The following STPG2 variants were observed in gnomAD, a reference collection of about 807,000 sequenced individuals.
STPG2 encodes sperm-tail PG-rich repeat-containing protein 2.
A neutral mutation model predicts 54.2 loss-of-function variants in STPG2; 56 were observed. The observed-to-expected ratio is 1.03, with a 90% CI of 0.83 to 1.29. The LOEUF (loss-of-function observed/expected upper bound fraction) is 1.29, where lower values mean the gene tolerates loss of function less well. Among genes scored for constraint, STPG2 ranks in the 50% most tolerant of loss-of-function variants. STPG2 has a pLI of 0.00. For missense variants in STPG2, 596 were observed against 544.9 expected, an observed-to-expected ratio of 1.09 and a Z score of -0.93; for synonymous variants, 200 against 181.8, an observed-to-expected ratio of 1.10 and a Z score of -0.81.
At chr4:97,784,032 C>T (rs566855178) in intron 9 of STPG2, among the ~76,000 whole-genome samples, 53 of 146,868 alleles carry the variant, frequency 3.6e-4, no homozygotes, top group African/African-American at 1.3e-3. Context: ...CAAACCTGCA[C>T]GTTGTACACA....
intron 8 of STPG2, among the ~76,000 whole-genome samples, chr4:97,867,034 G>C (rs1729812516): frequency 6.6e-6 from 1 of 151,942 alleles, no homozygotes; most frequent in East Asian, 1.9e-4. Context: ...GCAGCAAGCA[G>C]TTCCCATGCT....
intron 10 of STPG2, among the ~76,000 whole-genome samples, chr4:97,629,642 T>C (rs1419482507): frequency 6.6e-6 from 1 of 152,030 alleles, no homozygotes; most frequent in Admixed American, 6.6e-5. Flanking sequence ...TCAATAATTA[T>C]TGGTTGAATG....
At chr4:97,540,002 T>G (rs1014093232) in intron 4 of STPG2, among the ~76,000 whole-genome samples, 2 of 152,192 alleles carry the variant, frequency 1.3e-5, no homozygotes, top group African/African-American at 4.8e-5. Context: ...TTTATGGCAC[T>G]AAATGCCCAC....
rs893438176 is a variant in STPG2, at chr4:97,868,592, G to A, written c.1045-27660C>T. On this transcript the variant is annotated intron_variant, in intron 8 of 10. Coordinates refer to ENST00000295268, the MANE Select transcript of STPG2 (RefSeq NM_174952.3). ...CCAAAGGCTCTCCTGTCAAATTTCT[G>A]TTTTGGCTAGTAAATTTTGCCGGTC... Among the ~76,000 whole-genome samples the A allele has an allele frequency of 1.3e-4, 20 of 151,918 alleles. No homozygotes were observed. The South Asian group carries it at 3.7e-3, about 28-fold the overall frequency.
chr4:97,455,703 C>T (rs928681731), intron 4 of STPG2, among the ~76,000 whole-genome samples: 3 of 152,208 alleles, frequency 2.0e-5, no homozygotes, highest in Admixed American at 1.3e-4. Flanking sequence ...GCCCAGGATA[C>T]AGAAAGCCCT....
chr4:97,451,908 C>T (rs1729378167), intron 4 of STPG2, among the ~76,000 whole-genome samples: 2 of 152,142 alleles, frequency 1.3e-5, no homozygotes, highest in Non-Finnish European at 2.9e-5. Context: ...AGCAGCTGCT[C>T]CAGACAGCCT....
In STPG2 at chr4:97,562,697, A is replaced by C. The variant is rs867192128; in HGVS notation, c.1321-3580T>G. On this transcript the variant is annotated intron_variant, in intron 10 of 10. Transcript: ENST00000295268. Reference sequence around the variant, plus strand: ...AGGCCTTTTCTGCATCTATTGAGATAATCCTGTGTTTTTTGTCTTTGCTTC... The same window carrying C: ...AGGCCTTTTCTGCATCTATTGAGATCATCCTGTGTTTTTTGTCTTTGCTTC... Among the ~76,000 whole-genome samples, 6 of 152,154 alleles carry C rather than the reference A, an allele frequency of 3.9e-5. No individual in the cohort carries two copies. The South Asian group carries it at 6.2e-4, about 16-fold the overall frequency.
intron 4 of STPG2, among the ~76,000 whole-genome samples, chr4:97,509,856 T>C (rs1730934305): frequency 6.6e-6 from 1 of 152,092 alleles, no homozygotes; most frequent in Non-Finnish European, 1.5e-5. Context: ...TTAGAATTAA[T>C]TTTCAAAAAT....
intron 5 of STPG2, among the ~76,000 whole-genome samples, chr4:98,104,802 C>T (rs545310804): frequency 6.6e-6 from 1 of 152,226 alleles, no homozygotes; most frequent in Non-Finnish European, 1.5e-5. Flanking sequence ...TTAAACTGTA[C>T]ATTAGATCTC....
intron 5 of STPG2, among the ~76,000 whole-genome samples, chr4:98,000,574 G>A (rs1450581472): frequency 6.6e-6 from 1 of 152,008 alleles, no homozygotes; most frequent in Non-Finnish European, 1.5e-5. Context: ...GTAAATTTTG[G>A]TTAATTTAGA....
chr4:97,887,852 G>A (rs1055804550), intron 8 of STPG2, among the ~76,000 whole-genome samples: 1 of 152,204 alleles, frequency 6.6e-6, no homozygotes, highest in Non-Finnish European at 1.5e-5. Flanking sequence ...ATGGTTTTGT[G>A]AGCCAGGCCC....
At chr4:97,637,873 G>C (rs1377816497) in intron 10 of STPG2, among the ~76,000 whole-genome samples, 1 of 152,170 alleles carries the variant, frequency 6.6e-6, no homozygotes, top group Non-Finnish European at 1.5e-5. Flanking sequence ...AATATTCCAT[G>C]CTCATGGGTA....
chr4:97,540,775 C>G (rs542136717), intron 4 of STPG2, among the ~76,000 whole-genome samples: 2 of 152,006 alleles, frequency 1.3e-5, no homozygotes, highest in Non-Finnish European at 2.9e-5. Flanking sequence ...TCCACCATGA[C>G]AAAGTGGGCT....
At chr4:97,926,586 C>T (rs1351843269) in intron 8 of STPG2, among the ~76,000 whole-genome samples, 1 of 152,088 alleles carries the variant, frequency 6.6e-6, no homozygotes, top group Non-Finnish European at 1.5e-5. Context: ...AGAAATGTTT[C>T]CGAAGTAAAA....
chr4:97,568,492 G>GTC (rs1230280049), intron 10 of STPG2, among the ~76,000 whole-genome samples: 13 of 151,892 alleles, frequency 8.6e-5, no homozygotes, highest in African/African-American at 2.9e-4. Context: ...GTGTGTGTGT[G>GTC]TCTCTCTCTC....
intron 9 of STPG2, among the ~76,000 whole-genome samples, chr4:97,820,965 A>G (rs756909772): frequency 3.9e-5 from 6 of 152,048 alleles, no homozygotes; most frequent in Non-Finnish European, 8.8e-5. Flanking sequence ...TCTGCCCCCC[A>G]AATCTCATGT....
chr4:97,784,625 T>C (rs1448367624), intron 9 of STPG2, among the ~76,000 whole-genome samples: 1 of 152,002 alleles, frequency 6.6e-6, no homozygotes, highest in Non-Finnish European at 1.5e-5. Flanking sequence ...ATTGAATCAG[T>C]AGGAATACAG....
chr4:98,143,226 A>G lies in STPG2; in HGVS notation c.-76T>C, dbSNP rs1740354285. ...AAAAACAAGGTAGCTAGAAGTGTGG[A>G]GAAAAAGGAAGCCGACACCAGTCTG... is the stretch of plus-strand genomic sequence containing the variant. On this transcript the variant is annotated 5_prime_UTR_variant, in exon 1 of 11. Transcript: ENST00000295268. 3.5e-6 allele frequency: 4 copies of G among 1,156,846 alleles called. No individual in the cohort carries two copies. Among genetic ancestry groups the G allele is most frequent in the East Asian group, 5.1e-5 (2 of 39,344 alleles). The allele number at this position is 1,156,846 out of a possible 1,614,324, so 71.7% of individuals were successfully genotyped here. A position where few individuals can be genotyped will look rare whatever the true frequency, so the allele number is the denominator to read the frequency against.
chr4:98,116,601 AT>A (rs1487498247), intron 3 of STPG2, among the ~76,000 whole-genome samples: 3 of 151,894 alleles, frequency 2.0e-5, no homozygotes, highest in African/African-American at 7.2e-5. Context: ...AATTGAACCT[AT>A]TGTTCACATA....
Sources: gnomAD v4.1 joint callset for allele counts (sites outside exome capture counted in the v4.1 genomes callset) on GRCh38, gnomAD v4.1.1 for gene constraint, MANE v1.5 for transcripts, NCBI Gene and HGNC (gene_info 2026-07-23, HGNC 2026-07-21) for gene names.